Variants in POLK observed in about 807,000 individuals in gnomAD.
POLK encodes the protein DNA polymerase kappa.
In POLK, 76 loss-of-function variants were observed where a neutral mutation model predicts 94.0. The observed-to-expected ratio is 0.81, with a 90% CI of 0.67 to 0.98. The LOEUF (loss-of-function observed/expected upper bound fraction) is 0.98. Among genes scored for constraint, POLK ranks in the 50% least tolerant of loss-of-function variants. POLK has a pLI of 0.00. For synonymous variants in POLK, 349 were observed against 325.4 expected, an observed-to-expected ratio of 1.07 and a Z score of -0.78; for missense variants, 954 against 1,010.1, an observed-to-expected ratio of 0.94 and a Z score of 0.75.
chr5:75,597,945 T>C (rs1285230226), exon 15 of POLK: 1 of 1,490,492 alleles, frequency 6.7e-7, no homozygotes. Context: ...CCAGGATTGA[T>C]GACAAAGTAC....
chr5:75,541,664 C>A (rs962556515), intron 1 of POLK, among the ~76,000 whole-genome samples: 4 of 152,148 alleles, frequency 2.6e-5, no homozygotes, highest in Non-Finnish European at 2.9e-5. Context: ...TATTTCTGTT[C>A]TTTCTCTCAG....
At chr5:75,593,882 G>C in exon 12 of POLK, 1 of 1,555,656 alleles carries the variant, frequency 6.4e-7, no homozygotes, top group Non-Finnish European at 8.9e-7. Flanking sequence ...TTATAGGGTA[G>C]AACTGTTACC....
chr5:75,523,908 T>G (rs373317510), intron 1 of POLK, among the ~76,000 whole-genome samples: 13 of 152,150 alleles, frequency 8.5e-5, no homozygotes, highest in Admixed American at 8.5e-4. Context: ...GGCAGGCAGA[T>G]CACCTGAGGT....
chr5:75,568,308 A>AT (rs780752531), intron 3 of POLK, among the ~76,000 whole-genome samples: 4 of 151,998 alleles, frequency 2.6e-5, no homozygotes, highest in African/African-American at 4.8e-5. Context: ...CTTTCTTATG[A>AT]TTTTTACTTT....
chr5:75,593,113 T>C (rs1772876633), intron 11 of POLK, among the ~76,000 whole-genome samples: 1 of 152,110 alleles, frequency 6.6e-6, no homozygotes, highest in African/African-American at 2.4e-5. Context: ...TAAACGTTTT[T>C]GGCTAAAATG....
intron 1 of POLK, among the ~76,000 whole-genome samples, chr5:75,526,588 C>CT (rs543279835): frequency 0.13 from 9,906 of 77,754 alleles, 450 homozygotes; most frequent in South Asian, 0.24. Context: ...TTTTTTTTTT[C>CT]TTTTTTTTTT....
intron 1 of POLK, among the ~76,000 whole-genome samples, chr5:75,530,130 T>A (rs1231640476): frequency 6.6e-6 from 1 of 152,130 alleles, no homozygotes; most frequent in Non-Finnish European, 1.5e-5. Context: ...ATGCTATGAT[T>A]ATTGAAGGAA....
Position 75,590,339 on chromosome 5 carries a change from T to G in POLK, c.1260-5T>G. 1 of 1,542,430 alleles carries G rather than the reference T, an allele frequency of 6.5e-7. No individual in the cohort carries two copies. Among genetic ancestry groups the G allele is most frequent in the Non-Finnish European group, 8.9e-7 (1 of 1,129,258 alleles). On this transcript the variant is annotated splice_region_variant and splice_polypyrimidine_tract_variant and intron_variant, in intron 10 of 14. Transcript: ENST00000241436. ...TGTGCGCCAAAATTATTCTTGTCTT[T>G]CTAGGACATTCAGTGAGATAAATAA...
At position 75,576,950 on chromosome 5, in the gene POLK, G is replaced by C. The variant is rs1421055887; in HGVS notation, c.694+17G>C. ...TAGAAAATGGTAAGCAACTTATTAAGACTATCAAACCAAGAAGCAGTGAAA... is the reference window on the plus strand; with the variant it reads ...TAGAAAATGGTAAGCAACTTATTAACACTATCAAACCAAGAAGCAGTGAAA... On this transcript the variant is annotated intron_variant, in intron 6 of 14. Coordinates refer to ENST00000241436, the Ensembl canonical transcript of POLK. The C allele has an allele frequency of 2.0e-6, 3 of 1,470,458 alleles. No homozygotes were observed. The highest frequency in any genetic ancestry group is 2.7e-6 in the Non-Finnish European group (3 of 1,101,418). 91.1% of individuals were successfully genotyped at this position (1,470,458 alleles called of 1,614,324 possible). A position where few individuals can be genotyped will look rare whatever the true frequency, so the allele number is the denominator to read the frequency against.
intron 4 of POLK, among the ~76,000 whole-genome samples, chr5:75,571,281 A>C (rs2112770681): frequency 6.6e-6 from 1 of 152,212 alleles, no homozygotes; most frequent in East Asian, 1.9e-4. Context: ...AATGGGAGTG[A>C]TTGTTTGATT....
chr5:75,576,938 G>A lies in POLK; in HGVS notation c.694+5G>A. 1.3e-6 allele frequency: 2 copies of A among 1,516,600 alleles called. No homozygotes were observed. The highest frequency in any genetic ancestry group is 1.8e-6 in the Non-Finnish European group (2 of 1,134,696). The allele number at this position is 1,516,600 out of a possible 1,614,324, so 93.9% of individuals were successfully genotyped here. ...TGGGAAGCTCTGTAGAAAATGGTAA[G>A]CAACTTATTAAGACTATCAAACCAA... On this transcript the variant is annotated splice_donor_5th_base_variant and intron_variant, in intron 6 of 14. Transcript: ENST00000241436.
At chr5:75,522,105 T>G (rs1190370438) in intron 1 of POLK, among the ~76,000 whole-genome samples, 1 of 152,262 alleles carries the variant, frequency 6.6e-6, no homozygotes, top group Non-Finnish European at 1.5e-5. Flanking sequence ...TCTCCCTTTG[T>G]GTACTCATGA....
chr5:75,543,117 A>G (rs1354667933), intron 1 of POLK, among the ~76,000 whole-genome samples: 1 of 151,024 alleles, frequency 6.6e-6, no homozygotes, highest in Non-Finnish European at 1.5e-5. Context: ...GTCTTGGCCC[A>G]CTGAAGCCTC....
chr5:75,578,642 C>T (rs1772038925), intron 6 of POLK, among the ~76,000 whole-genome samples: 1 of 152,056 alleles, frequency 6.6e-6, no homozygotes, highest in South Asian at 2.1e-4. Context: ...GACTTTCAGG[C>T]GTGTCTCACC....
intron 6 of POLK, among the ~76,000 whole-genome samples, chr5:75,579,589 C>T (rs953876729): frequency 6.6e-6 from 1 of 151,666 alleles, no homozygotes; most frequent in African/African-American, 2.4e-5. Flanking sequence ...AACTCCTGAC[C>T]TCAGGTGATC....
At chr5:75,581,681 T>TC in intron 7 of POLK, 1 of 332,704 alleles carries the variant, frequency 3.0e-6, no homozygotes, top group Non-Finnish European at 5.5e-6. Flanking sequence ...TTTCTTTCTT[T>TC]TTTTTTTTTT....
chr5:75,536,365 A>C lies in POLK; in HGVS notation c.-13-10645A>C, dbSNP rs567706941. On this transcript the variant is annotated intron_variant, in intron 1 of 14. Transcript: ENST00000241436. ...TCTGCTATCTGTGTGCTTCCTGGGG[A>C]AACATGAGGTTGTGCCTGCCTGCAG... Among the ~76,000 whole-genome samples, 5 of 152,218 alleles carry C rather than the reference A, an allele frequency of 3.3e-5. No individual in the cohort carries two copies. In the East Asian group the frequency reaches 9.7e-4, roughly 29 times the overall value.
chr5:75,564,239 T>G (rs1771145834), intron 3 of POLK, among the ~76,000 whole-genome samples: 3 of 151,396 alleles, frequency 2.0e-5, no homozygotes, highest in South Asian at 4.1e-4. Flanking sequence ...TTCTTCTTTC[T>G]TTCTTTCTTT....
chr5:75,606,660 G>C, the POLK span, among the ~76,000 whole-genome samples: 3 of 150,722 alleles, frequency 2.0e-5, no homozygotes, highest in African/African-American at 7.3e-5. Flanking sequence ...CAGAGAGCAC[G>C]GGGTTGGGGG....
Sources: gnomAD v4.1 joint callset for allele counts (sites outside exome capture counted in the v4.1 genomes callset) on GRCh38, gnomAD v4.1.1 for gene constraint, MANE v1.5 for transcripts, NCBI Gene and HGNC (gene_info 2026-07-23, HGNC 2026-07-21) for gene names.